MYO5B: variants seen among roughly 807,000 people sequenced by gnomAD.
MYO5B encodes unconventional myosin-Vb.
In MYO5B, 143 loss-of-function variants were observed where a neutral mutation model predicts 229.3. That is an observed-to-expected ratio of 0.62 (90% CI 0.54 to 0.72). The LOEUF (loss-of-function observed/expected upper bound fraction) is 0.72. MYO5B is among the 30% of genes least tolerant of loss of function. The pLI, the probability that MYO5B is intolerant of heterozygous loss-of-function variation, is 0.00. For synonymous variants in MYO5B, 918 were observed against 885.2 expected, an observed-to-expected ratio of 1.04 and a Z score of -0.66; for missense variants, 2,321 against 2,331.0, an observed-to-expected ratio of 1.00 and a Z score of 0.09.
chr18:49,858,972 G>C (rs983838789), intron 29 of MYO5B, among the ~76,000 whole-genome samples: 19 of 152,210 alleles, frequency 1.2e-4, no homozygotes, highest in African/African-American at 4.3e-4. Flanking sequence ...AGGATTTTTT[G>C]TTGAAAATGT....
intron 29 of MYO5B, among the ~76,000 whole-genome samples, chr18:49,862,705 A>T (rs1043965034): frequency 1.3e-5 from 2 of 152,170 alleles, no homozygotes; most frequent in African/African-American, 4.8e-5. Flanking sequence ...CTAAACTCAC[A>T]TCCAGGGAGA....
chr18:49,835,399 G>T lies in MYO5B; in HGVS notation c.5339C>A (p.Thr1780Asn). 6.2e-7 allele frequency: 1 copy of T among 1,612,468 alleles called. No individual in the cohort carries two copies. Among genetic ancestry groups the T allele is most frequent in the Non-Finnish European group, 8.5e-7 (1 of 1,179,336 alleles). ...CCGTTCTTCAAATTCATTCAGGGGA[G>T]TATAAAGGTTTAAAATTTTGACAAT... ...QQIVKILNLY[T>N]PLNEFEERVT... The change falls in exon 39 of 40, where the codon ACT becomes AAT. Residue 1780 changes from threonine (T) to asparagine (N), a missense_variant. Transcript: ENST00000285039.
chr18:49,982,209 A>G (rs532552601), intron 8 of MYO5B, among the ~76,000 whole-genome samples: 2 of 152,224 alleles, frequency 1.3e-5, no homozygotes, highest in African/African-American at 4.8e-5. Flanking sequence ...TAGCTGGGAC[A>G]GGTGTGTGCC....
At chr18:49,882,505 G>T (rs1285630782) in intron 22 of MYO5B, among the ~76,000 whole-genome samples, 1 of 150,926 alleles carries the variant, frequency 6.6e-6, no homozygotes, top group Non-Finnish European at 1.5e-5. Flanking sequence ...GTGCGTGCCT[G>T]TAATCCCAGC....
chr18:49,962,275 T>C lies in MYO5B; in HGVS notation c.1536A>G (p.Glu512=). ...GCATCATCAGTTTTACCTTACATTC[T>C]TCATCCAACAGGTCCAAGATACCCA... ...AKLGILDLLD[E]ECKVPKGTDQ... The change falls in exon 12 of 40, where the codon GAA becomes GAG. Residue 512 remains glutamate, a synonymous_variant. Coordinates refer to ENST00000285039, the MANE Select transcript of MYO5B (RefSeq NM_001080467.3). 2 of 1,614,222 alleles carry C rather than the reference T, an allele frequency of 1.2e-6. No individual in the cohort carries two copies. The highest frequency in any genetic ancestry group is 8.5e-7 in the Non-Finnish European group (1 of 1,180,026).
In MYO5B at chr18:49,949,772, C is replaced by T. The variant is rs144002334; in HGVS notation, c.1752+3488G>A. Among the ~76,000 whole-genome samples, 55 of 152,220 alleles carry T rather than the reference C, an allele frequency of 3.6e-4. No homozygotes were observed. In the East Asian group the frequency reaches 9.8e-3, roughly 27 times the overall value. ...AAATGAAAACCAATAAAAAATTAAG[C>T]GTTACAATTTTAATGTAATGACATA... On this transcript the variant is annotated intron_variant, in intron 14 of 39. Coordinates refer to ENST00000285039, the MANE Select transcript of MYO5B (RefSeq NM_001080467.3).
intron 12 of MYO5B, among the ~76,000 whole-genome samples, chr18:49,957,937 C>A (rs890669305): frequency 2.6e-5 from 4 of 152,278 alleles, no homozygotes; most frequent in South Asian, 2.1e-4. Flanking sequence ...CTGGCCCCCC[C>A]CAGGACTCTG....
chr18:50,005,415 T>G (rs2026090695), intron 4 of MYO5B, among the ~76,000 whole-genome samples: 1 of 152,132 alleles, frequency 6.6e-6, no homozygotes, highest in Admixed American at 6.5e-5. Flanking sequence ...GACCTCTACA[T>G]GTTTTTGTTT....
chr18:50,042,489 T>A (rs1028559900), intron 2 of MYO5B, among the ~76,000 whole-genome samples: 1 of 152,234 alleles, frequency 6.6e-6, no homozygotes, highest in Non-Finnish European at 1.5e-5. Flanking sequence ...AAAGCTTTTT[T>A]ATTTATATTA....
intron 10 of MYO5B, among the ~76,000 whole-genome samples, 195 bp from the exon 11 acceptor site, chr18:49,963,225 C>T (rs569500912): frequency 8.0e-4 from 122 of 151,780 alleles, no homozygotes; most frequent in South Asian, 3.3e-3. Context: ...TGTCTATTTT[C>T]AAAACTAGAA....
At chr18:49,987,301 T>C (rs1568060004) in intron 7 of MYO5B, among the ~76,000 whole-genome samples, 1 of 152,188 alleles carries the variant, frequency 6.6e-6, no homozygotes, top group Non-Finnish European at 1.5e-5. Context: ...TCTTTCCATA[T>C]GCGTTAAGGT....
intron 1 of MYO5B, among the ~76,000 whole-genome samples, chr18:50,122,439 T>TAAAAAAAAAAAAAAA (rs71169481): frequency 2.4e-5 from 1 of 41,888 alleles, no homozygotes; most frequent in African/African-American, 1.0e-4. Context: ...CTGTCTCAAC[T>TAAAAAAAAAAAAAAA]AAAAAAAAAA....
chr18:49,984,573 A>C, intron 8 of MYO5B, 145 bp downstream of exon 8: 1 of 712,728 alleles, frequency 1.4e-6, no homozygotes, highest in Admixed American at 2.0e-5. Flanking sequence ...GTAAGAGAGT[A>C]AGAGATGACA....
At chr18:49,878,027 T>TA (rs1293892631) in intron 24 of MYO5B, 145 bp from the exon 25 acceptor site, 3 of 1,022,016 alleles carry the variant, frequency 2.9e-6, no homozygotes. Context: ...GATGGCTAAA[T>TA]AAAGCTAGCC....
intron 4 of MYO5B, among the ~76,000 whole-genome samples, chr18:50,024,370 T>C (rs1214925650): frequency 7.1e-6 from 1 of 140,174 alleles, no homozygotes; most frequent in Non-Finnish European, 1.6e-5. Flanking sequence ...TCCTGGGTGC[T>C]GGGATTCCAC....
intron 19 of MYO5B, among the ~76,000 whole-genome samples, chr18:49,905,112 G>C (rs753581554): frequency 1.3e-5 from 2 of 152,122 alleles, no homozygotes; most frequent in African/African-American, 2.4e-5. Context: ...CCTTATCTGA[G>C]CACTCTTCTA....
Position 50,047,925 on chromosome 18 carries a change from G to A in MYO5B, c.138+7343C>T, listed in dbSNP as rs1485297253. On this transcript the variant is annotated intron_variant, in intron 2 of 39. Transcript: ENST00000285039. ...GGACACAGGAAGGGGAACATCACAC[G>A]CCGGGGACTGTTGTGGGGTGGGGGG... is the stretch of plus-strand genomic sequence containing the variant. Among the ~76,000 whole-genome samples the A allele has an allele frequency of 2.9e-3, 365 of 126,934 alleles. 1 individual carries two copies. The highest frequency in any genetic ancestry group is 0.01 in the African/African-American group (347 of 33,324). The allele number at this position is 126,934 out of a possible 152,430, so 83.3% of individuals were successfully genotyped here. A position where few individuals can be genotyped will look rare whatever the true frequency, so the allele number is the denominator to read the frequency against.
chr18:50,184,887 C>T (rs1206363019), intron 1 of MYO5B, among the ~76,000 whole-genome samples: 1 of 106,240 alleles, frequency 9.4e-6, no homozygotes, highest in Non-Finnish European at 2.0e-5. Context: ...CACACACACA[C>T]ACACACAGAA....
chr18:49,877,677 G>A (rs2024541866), intron 25 of MYO5B, 86 bp downstream of exon 25: 11 of 1,585,574 alleles, frequency 6.9e-6, no homozygotes, highest in Non-Finnish European at 9.5e-6. Flanking sequence ...CAGCAGAAGA[G>A]TAAATTTCTC....
Sources: gnomAD v4.1 joint callset for allele counts (sites outside exome capture counted in the v4.1 genomes callset) on GRCh38, gnomAD v4.1.1 for gene constraint, MANE v1.5 for transcripts, NCBI Gene and HGNC (gene_info 2026-07-23, HGNC 2026-07-21) for gene names.